MFAP4: variants seen among roughly 807,000 people sequenced by gnomAD.
The protein encoded by MFAP4 is microfibril-associated glycoprotein 4.
A neutral mutation model predicts 32.4 loss-of-function variants in MFAP4; 20 were observed. The ratio of observed to expected loss-of-function variants is 0.62; its 90% confidence interval spans 0.43 to 0.90. The LOEUF (loss-of-function observed/expected upper bound fraction) is 0.90, where lower values mean the gene tolerates loss of function less well. Among genes scored for constraint, MFAP4 ranks in the 40% least tolerant of loss-of-function variants. The probability of loss-of-function intolerance (pLI) is 0.00; values close to 1 mark genes in which losing one functional copy is unlikely to be tolerated. For missense variants in MFAP4, 267 were observed against 329.5 expected (o/e 0.81, Z 1.47); for synonymous variants, 146 against 137.4 (o/e 1.06, Z -0.44).
rs1025223050 is a variant in MFAP4, at chr17:19,386,850, C to T, written c.7-12G>A. The T allele has an allele frequency of 1.3e-6, 2 of 1,554,794 alleles. No individual in the cohort carries two copies. The highest frequency in any genetic ancestry group is 1.9e-5 in the Admixed American group (1 of 51,318). On this transcript the variant is annotated splice_polypyrimidine_tract_variant and intron_variant, in intron 1 of 5. Coordinates refer to ENST00000299610, the MANE Select transcript of MFAP4 (RefSeq NM_002404.3). ...AGGGCCAGGAGTGCCTGGCGATGGG[C>T]AGACAGGGTCAGCACAGCCCCTTCC... is the stretch of plus-strand genomic sequence containing the variant.
At position 19,386,478 on chromosome 17, in the gene MFAP4, C is replaced by A; in HGVS notation, c.86-14G>T. 6.2e-7 allele frequency: 1 copy of A among 1,606,574 alleles called. No homozygotes were observed. Among genetic ancestry groups the A allele is most frequent in the South Asian group, 1.1e-5 (1 of 90,044 alleles). The stretch of plus-strand genomic sequence containing the variant: ...ACCTCTCCAGAGCTGGGGGTAGGGA[C>A]ATGGGGACAGTGAGGAGAGTGGGAC... On this transcript the variant is annotated splice_polypyrimidine_tract_variant and intron_variant, in intron 2 of 5. Coordinates refer to ENST00000299610, the MANE Select transcript of MFAP4 (RefSeq NM_002404.3).
intron 5 of MFAP4, 79 bp from the exon 6 acceptor site, chr17:19,384,788 G>T: frequency 6.4e-7 from 1 of 1,569,328 alleles, no homozygotes. Context: ...TGACAATGAC[G>T]ACTGTGAGAG....
Position 19,386,769 on chromosome 17 carries a change from G to A in MFAP4, c.76C>T (p.Arg26Ter). Residue 26 changes from arginine to a stop codon, truncating the protein, a stop_gained, in exon 2 of 6, where the codon CGA (arginine) becomes TGA (stop). Coordinates refer to ENST00000299610, the MANE Select transcript of MFAP4 (RefSeq NM_002404.3). LOFTEE classifies it high-confidence loss of function. ...GTGTGGGGCTGCTTACCATCTCCTCGGATCCCGGAGACCTGGGGGGCACAC... is the reference window on the plus strand; with the variant it reads ...GTGTGGGGCTGCTTACCATCTCCTCAGATCCCGGAGACCTGGGGGGCACAC... ...PPCAPQVSGI[R>*]GDALERFCLQ... 1.3e-6 allele frequency: 2 copies of A among 1,573,008 alleles called. No homozygotes were observed. Among genetic ancestry groups the A allele is most frequent in the Middle Eastern group, 1.7e-4 (1 of 6,012 alleles).
At chr17:19,385,610 A>C (rs934476179) in intron 3 of MFAP4, among the ~76,000 whole-genome samples, 156 bp from the exon 4 acceptor site, 1 of 152,102 alleles carries the variant, frequency 6.6e-6, no homozygotes, top group Non-Finnish European at 1.5e-5. Context: ...GGGGTTGCTA[A>C]AACAACGTCC....
chr17:19,384,298 C>G lies in MFAP4; in HGVS notation c.*164G>C. ...CGGGTCTGGCTTAGGAATGGATGCCCTGGGTGTGTGACAGGGATGTGGCAT... is the reference window on the plus strand; with the variant it reads ...CGGGTCTGGCTTAGGAATGGATGCCGTGGGTGTGTGACAGGGATGTGGCAT... On this transcript the variant is annotated 3_prime_UTR_variant, in exon 6 of 6. Transcript: ENST00000299610. The G allele has an allele frequency of 1.2e-6, 1 of 839,496 alleles. No homozygotes were observed. Among genetic ancestry groups the G allele is most frequent in the Non-Finnish European group, 1.8e-6 (1 of 553,672 alleles). 52.0% of individuals were successfully genotyped at this position (839,496 alleles called of 1,614,324 possible).
chr17:19,384,472 C>A lies in MFAP4; in HGVS notation c.758G>T (p.Arg253Leu). Reference protein sequence around the residue: ...YSLKRTEMKIRRA With the variant: ...YSLKRTEMKILRA ...GAGGGGGCCAGCCCTTCAGGCCCGGCGGATTTTCATCTCAGTGCGTTTGAG... is the reference window on the plus strand; with the variant it reads ...GAGGGGGCCAGCCCTTCAGGCCCGGAGGATTTTCATCTCAGTGCGTTTGAG... The change falls in exon 6 of 6, where the codon CGC (arginine) becomes CTC (leucine). Residue 253 changes from arginine (R) to leucine (L), a missense_variant. Coordinates refer to ENST00000299610, the MANE Select transcript of MFAP4 (RefSeq NM_002404.3). 1 of 1,576,960 alleles carries A rather than the reference C, an allele frequency of 6.3e-7. No homozygotes were observed. Among genetic ancestry groups the A allele is most frequent in the Non-Finnish European group, 8.6e-7 (1 of 1,160,802 alleles).
chr17:19,384,959 C>G lies in MFAP4; in HGVS notation c.520+140G>C, dbSNP rs1286704807. 1.1e-5 allele frequency: 14 copies of G among 1,218,710 alleles called. No homozygotes were observed. The Admixed American group carries it at 3.4e-4, about 30-fold the overall frequency. The allele number at this position is 1,218,710 out of a possible 1,614,324, so 75.5% of individuals were successfully genotyped here. ...GGGCTGAGGCCCAAGCTGGTTTGAGCTTGTTTGGAGCCAGCTGTGGCCCTT... is the reference window on the plus strand; with the variant it reads ...GGGCTGAGGCCCAAGCTGGTTTGAGGTTGTTTGGAGCCAGCTGTGGCCCTT... On this transcript the variant is annotated intron_variant, in intron 5 of 5. Transcript: ENST00000299610.
In MFAP4 at chr17:19,386,734, G is replaced by A. The variant is rs747268651; in HGVS notation, c.85+26C>T. The stretch of plus-strand genomic sequence containing the variant: ...TCTTGCACAACCTGTGGGCCAGGCC[G>A]CGTCTGTGAGTGTGGGGCTGCTTAC... On this transcript the variant is annotated intron_variant, in intron 2 of 5. Transcript: ENST00000299610. 20 of 1,556,924 alleles carry A rather than the reference G, an allele frequency of 1.3e-5. No homozygotes were observed. In the Admixed American group the frequency reaches 1.9e-4, roughly 15 times the overall value.
At chr17:19,386,977 G>GGGCCCCCCCCCCC in intron 1 of MFAP4, 139 bp from the exon 2 acceptor site, 2 of 689,384 alleles carry the variant, frequency 2.9e-6, no homozygotes, top group Non-Finnish European at 4.7e-6. Context: ...CCTCTTCCCT[G>GGGCCCCCCCCCCC]CCCCCCCACC....
chr17:19,386,259 CAG>C, intron 3 of MFAP4, 49 bp downstream of exon 3: 1 of 1,474,390 alleles, frequency 6.8e-7, no homozygotes, highest in Non-Finnish European at 9.0e-7. Flanking sequence ...CCCAGGGTCA[CAG>C]GGCTGGGATT....
chr17:19,386,666 C>T, intron 2 of MFAP4, 94 bp downstream of exon 2: 1 of 1,411,804 alleles, frequency 7.1e-7, no homozygotes, highest in Admixed American at 2.0e-5. Context: ...TCCTGCAGAG[C>T]TGGGGCTCGG....
chr17:19,385,071 C>A lies in MFAP4; in HGVS notation c.520+28G>T, dbSNP rs368306013. 3.7e-5 allele frequency: 59 copies of A among 1,602,724 alleles called. No homozygotes were observed. The African/African-American group carries it at 6.7e-4, about 18-fold the overall frequency. On this transcript the variant is annotated intron_variant, in intron 5 of 5. Coordinates refer to ENST00000299610, the MANE Select transcript of MFAP4 (RefSeq NM_002404.3). ...GCCCTGCCTTCTTTCCCCTCACAGC[C>A]CCTCCCAAAGCTAACAGCGGGTTAT...
chr17:19,386,972 T>TGCCGGGGGGC, intron 1 of MFAP4, 134 bp from the exon 2 acceptor site: 2 of 937,010 alleles, frequency 2.1e-6, no homozygotes, highest in Non-Finnish European at 3.4e-6. Flanking sequence ...TGGCCCCTCT[T>TGCCGGGGGGC]CCCTGCCCCC....
At chr17:19,385,536 A>C in intron 3 of MFAP4, 82 bp from the exon 4 acceptor site, 1 of 1,110,794 alleles carries the variant, frequency 9.0e-7, no homozygotes, top group Non-Finnish European at 1.3e-6. Flanking sequence ...TCAAGCATGG[A>C]CCCTGTGATG....
rs1318800180 is a variant in MFAP4 at position 19,385,128 on chromosome 17, A to G, written c.491T>C (p.Phe164Ser). ...CCCGCCATCCTCAAAGCCTGCCACA[A>G]AGAGGGTGTAGCCATCCTCCTCTGC... ...VSAEEDGYTLFVAGFEDGGAG... is the reference protein window; with the variant it reads ...VSAEEDGYTLSVAGFEDGGAG... Residue 164 changes from phenylalanine (F) to serine (S), a missense_variant, in exon 5 of 6, where the codon TTT becomes TCT. By Grantham distance (155) the Phe-to-Ser change is radical. Transcript: ENST00000299610. 2 of 1,614,208 alleles carry G rather than the reference A, an allele frequency of 1.2e-6. No homozygotes were observed.
intron 1 of MFAP4, 127 bp from the exon 2 acceptor site, chr17:19,386,965 C>T: frequency 8.2e-7 from 1 of 1,212,918 alleles, no homozygotes; most frequent in Non-Finnish European, 1.2e-6. Context: ...TGCTATTTGG[C>T]CCCTCTTCCC....
Position 19,384,344 on chromosome 17 carries a change from C to T in MFAP4, c.*118G>A. On this transcript the variant is annotated 3_prime_UTR_variant, in exon 6 of 6. Transcript: ENST00000299610. ...GGCATGGCTGAGAGCCACAAGGCCC[C>T]CTTGTAAGGAGTTGGTGCTCGGGAA... The T allele has an allele frequency of 2.4e-6, 3 of 1,267,950 alleles. No individual in the cohort carries two copies. The highest frequency in any genetic ancestry group is 3.2e-6 in the Non-Finnish European group (3 of 930,300). The allele number at this position is 1,267,950 out of a possible 1,614,324, so 78.5% of individuals were successfully genotyped here.
In MFAP4 at chr17:19,386,409, C is replaced by G; in HGVS notation, c.141G>C (p.Gln47His). 6.2e-7 allele frequency: 1 copy of G among 1,614,032 alleles called. No individual in the cohort carries two copies. Among genetic ancestry groups the G allele is most frequent in the South Asian group, 1.1e-5 (1 of 91,044 alleles). The change falls in exon 3 of 6, where the codon CAG becomes CAC. Residue 47 changes from glutamine to histidine, a missense_variant. This residue lies in a region of MFAP4 where 223 missense variants were observed against 253.3 expected (regional missense o/e 0.88). Transcript: ENST00000299610. ...QPLDCDDIYAQGYQSDGVYLI... is the reference protein window; with the variant it reads ...QPLDCDDIYAHGYQSDGVYLI... ...GGTACACGCCGTCTGACTGGTAGCCCTGGGCATAGATGTCGTCACAGTCCA... is the reference window on the plus strand; with the variant it reads ...GGTACACGCCGTCTGACTGGTAGCCGTGGGCATAGATGTCGTCACAGTCCA...
chr17:19,385,294 GGCAGCTGGTCAA>G lies in MFAP4; in HGVS notation c.338-25_338-14del. ...ATGTTCTGCAGCCCTGGGGAGGAGGGGCAGCTGGTCAACAAGGACCTGGCCCTGGGGCAGCCC... is the reference window on the plus strand; with the variant it reads ...ATGTTCTGCAGCCCTGGGGAGGAGGGCAAGGACCTGGCCCTGGGGCAGCCC... On this transcript the variant is annotated splice_polypyrimidine_tract_variant and intron_variant, in intron 4 of 5. Coordinates refer to ENST00000299610, the MANE Select transcript of MFAP4 (RefSeq NM_002404.3). 9 of 1,614,234 alleles carry G rather than the reference GGCAGCTGGTCAA, an allele frequency of 5.6e-6. No individual in the cohort carries two copies. The highest frequency in any genetic ancestry group is 6.8e-6 in the Non-Finnish European group (8 of 1,180,024).
Sources: allele counts gnomAD v4.1 joint callset (sites outside exome capture counted in the v4.1 genomes callset), GRCh38; gene constraint gnomAD v4.1.1; regional missense constraint gnomAD v4.1.1; transcripts MANE v1.5; gene names NCBI Gene and HGNC (gene_info 2026-07-23, HGNC 2026-07-21).